HSD17B6: variants seen among roughly 807,000 people sequenced by gnomAD.
The protein encoded by HSD17B6 is hydroxysteroid 17-beta dehydrogenase 6.
HSD17B6 carries 16 observed loss-of-function variants against 26.4 expected under a neutral mutation model. The observed-to-expected ratio is 0.61, with a 90% CI of 0.41 to 0.92. HSD17B6 has a LOEUF of 0.92. Ranked by LOEUF, HSD17B6 falls within the 40% of genes least tolerant of loss-of-function variation. The probability of loss-of-function intolerance (pLI) is 0.00; values close to 1 mark genes in which losing one functional copy is unlikely to be tolerated. For missense variants in HSD17B6, 357 were observed against 386.1 expected (o/e 0.92, Z 0.63); for synonymous variants, 139 against 153.0 (o/e 0.91, Z 0.68).
intron 2 of HSD17B6, among the ~76,000 whole-genome samples, chr12:56,778,695 G>A (rs191919656): frequency 8.4e-4 from 93 of 111,350 alleles, no homozygotes; most frequent in Non-Finnish European, 1.4e-3. Flanking sequence ...TTTTTTTTGA[G>A]ACGGAGTCTC....
intron 2 of HSD17B6, among the ~76,000 whole-genome samples, chr12:56,774,591 A>G (rs992482277): frequency 7.9e-5 from 12 of 152,216 alleles, no homozygotes; most frequent in Admixed American, 6.5e-4. Context: ...ATATATAATG[A>G]AATAATTATA....
intron 2 of HSD17B6, among the ~76,000 whole-genome samples, chr12:56,780,489 G>T (rs998295674): frequency 6.6e-6 from 1 of 152,106 alleles, no homozygotes; most frequent in African/African-American, 2.4e-5. Context: ...TTATTTGAAG[G>T]TGTTTTTACC....
In HSD17B6 at chr12:56,782,184, G is replaced by A; in HGVS notation, c.524G>A (p.Gly175Asp). Residue 175 changes from glycine to aspartate, a missense_variant, in exon 3 of 5, where the codon GGC (glycine) becomes GAC (aspartate). Transcript: ENST00000322165. ...ILGRVAFFVGGYCVSKYGVEA... is the reference protein window; with the variant it reads ...ILGRVAFFVGDYCVSKYGVEA... ...GGAAGAGTTGCTTTCTTTGTAGGAG[G>A]CTACTGTGTCTCCAAGTATGGAGTG... 1 of 1,614,142 alleles carries A rather than the reference G, an allele frequency of 6.2e-7. No homozygotes were observed.
At chr12:56,763,727 C>G (rs565916674) in intron 1 of HSD17B6, among the ~76,000 whole-genome samples, 103 of 151,858 alleles carry the variant, frequency 6.8e-4, no homozygotes, top group Non-Finnish European at 1.3e-3. Context: ...GGGAAACAAG[C>G]TCTTTAATGG....
chr12:56,782,660 A>ATT lies in HSD17B6; in HGVS notation c.572+447_572+448dup, dbSNP rs62818963. Among the ~76,000 whole-genome samples the ATT allele has an allele frequency of 1.5e-4, 20 of 133,090 alleles. 1 individual carries two copies. Among genetic ancestry groups the ATT allele is most frequent in the African/African-American group, 3.1e-4 (11 of 35,568 alleles). 87.3% of individuals were successfully genotyped at this position (133,090 alleles called of 152,430 possible). A position where few individuals can be genotyped will look rare whatever the true frequency, so the allele number is the denominator to read the frequency against. ...GGGTGCACGCTGCCATGCCCAGCTA[A>ATT]TTTTTTTTTTTTTTTTTTTTATTGA... On this transcript the variant is annotated intron_variant, in intron 3 of 4. Coordinates refer to ENST00000322165, the MANE Select transcript of HSD17B6 (RefSeq NM_003725.4).
intron 1 of HSD17B6, among the ~76,000 whole-genome samples, chr12:56,771,074 A>G (rs1954460877): frequency 1.3e-5 from 2 of 152,118 alleles, no homozygotes; most frequent in African/African-American, 4.8e-5. Context: ...GCAGTACTGG[A>G]GCTGGACCAG....
chr12:56,782,237 CTT>C lies in HSD17B6; in HGVS notation c.572+6_572+7del. Reference sequence around the variant, plus strand: ...AGCCTTTTCAGATATTCTGAGGTAACTTAAGTTAAAACAAAAACAGCTATTGA... The same window carrying C: ...AGCCTTTTCAGATATTCTGAGGTAACAAGTTAAAACAAAAACAGCTATTGA... On this transcript the variant is annotated splice_donor_region_variant and intron_variant, in intron 3 of 4. Coordinates refer to ENST00000322165, the MANE Select transcript of HSD17B6 (RefSeq NM_003725.4). 1.9e-6 allele frequency: 3 copies of C among 1,612,008 alleles called. No individual in the cohort carries two copies. The highest frequency in any genetic ancestry group is 1.7e-4 in the Middle Eastern group (1 of 5,796).
intron 1 of HSD17B6, among the ~76,000 whole-genome samples, chr12:56,766,361 T>G (rs974820251): frequency 6.6e-6 from 1 of 152,122 alleles, no homozygotes; most frequent in Non-Finnish European, 1.5e-5. Context: ...GTATCTCCAT[T>G]TATTAGTGCT....
At chr12:56,764,098 GA>G (rs1322029190) in intron 1 of HSD17B6, among the ~76,000 whole-genome samples, 1 of 120,442 alleles carries the variant, frequency 8.3e-6, no homozygotes, top group South Asian at 2.7e-4. Context: ...AAAGAAGAAA[GA>G]AAAAAAGAAA....
At chr12:56,786,406 A>G (rs1417878065) in intron 4 of HSD17B6, among the ~76,000 whole-genome samples, 1 of 151,970 alleles carries the variant, frequency 6.6e-6, no homozygotes, top group East Asian at 1.9e-4. Flanking sequence ...TGCACCACCA[A>G]GCCTGGCTAA....
chr12:56,767,110 TC>T (rs1233226632), intron 1 of HSD17B6, among the ~76,000 whole-genome samples: 2 of 152,146 alleles, frequency 1.3e-5, no homozygotes, highest in African/African-American at 4.8e-5. Flanking sequence ...AGGTGAACAC[TC>T]TGGAGTTGAT....
intron 1 of HSD17B6, among the ~76,000 whole-genome samples, chr12:56,771,895 C>T (rs1437390321): frequency 6.6e-6 from 1 of 152,092 alleles, no homozygotes; most frequent in East Asian, 1.9e-4. Flanking sequence ...TGGTTTCCCC[C>T]ATGTTGAGTT....
At chr12:56,763,438 TGTG>T (rs1174120853) in intron 1 of HSD17B6, 24 bp downstream of exon 1, 1 of 27,082 alleles carries the variant, frequency 3.7e-5, no homozygotes, top group Non-Finnish European at 7.2e-5. Flanking sequence ...TAAGGGTGGT[TGTG>T]TGTGTGTGTG....
chr12:56,777,215 C>T (rs1400537620), intron 2 of HSD17B6, among the ~76,000 whole-genome samples: 10 of 152,114 alleles, frequency 6.6e-5, no homozygotes, highest in Admixed American at 6.5e-4. Flanking sequence ...TTGTGAATAG[C>T]CACTAGAGTA....
intron 2 of HSD17B6, among the ~76,000 whole-genome samples, chr12:56,780,348 A>G (rs1372935315): frequency 6.6e-6 from 1 of 152,230 alleles, no homozygotes; most frequent in East Asian, 1.9e-4. Flanking sequence ...AACATTCTTA[A>G]ATATCTGCTA....
intron 3 of HSD17B6, among the ~76,000 whole-genome samples, chr12:56,783,689 G>A (rs1954796007): frequency 7.2e-6 from 1 of 138,104 alleles, no homozygotes; most frequent in East Asian, 2.2e-4. Flanking sequence ...CGGGCGGGGG[G>A]CTGACCCCCC....
intron 3 of HSD17B6, among the ~76,000 whole-genome samples, chr12:56,783,395 C>T (rs1453591085): frequency 4.6e-5 from 5 of 108,630 alleles, no homozygotes; most frequent in East Asian, 6.5e-4. Flanking sequence ...CCGGACGGGG[C>T]GGCTGGCCGG....
At chr12:56,785,416 A>C (rs563809195) in intron 4 of HSD17B6, among the ~76,000 whole-genome samples, 1 of 152,350 alleles carries the variant, frequency 6.6e-6, no homozygotes, top group East Asian at 1.9e-4. Flanking sequence ...GTACCCTTGC[A>C]TGAGAAGGGG....
chr12:56,787,563 G>A lies in HSD17B6; in HGVS notation c.*221G>A. ...TACTATTTTAGCCCTTTTTTGATGA[G>A]ACTATTTGTCTAAAGTGAATCATTT... On this transcript the variant is annotated 3_prime_UTR_variant, in exon 5 of 5. Transcript: ENST00000322165. The A allele has an allele frequency of 3.7e-6, 2 of 533,420 alleles. No homozygotes were observed. Among genetic ancestry groups the A allele is most frequent in the Non-Finnish European group, 3.3e-6 (1 of 301,124 alleles). 33.0% of individuals were successfully genotyped at this position (533,420 alleles called of 1,614,324 possible). A position where few individuals can be genotyped will look rare whatever the true frequency, so the allele number is the denominator to read the frequency against.
Sources: gnomAD v4.1 joint callset for allele counts (sites outside exome capture counted in the v4.1 genomes callset) on GRCh38, gnomAD v4.1.1 for gene constraint, MANE v1.5 for transcripts, NCBI Gene and HGNC (gene_info 2026-07-23, HGNC 2026-07-21) for gene names.